Variants in SWAP70 observed in about 807,000 individuals in gnomAD.
The protein encoded by SWAP70 is switching B cell complex subunit SWAP70, also known as switch-associated protein 70.
In SWAP70, 34 loss-of-function variants were observed where a neutral mutation model predicts 80.2. The observed-to-expected ratio is 0.42, with a 90% confidence interval of 0.32 to 0.56. SWAP70 has a LOEUF of 0.56. Among genes scored for constraint, SWAP70 ranks in the 20% least tolerant of loss-of-function variants. The pLI, the probability that SWAP70 is intolerant of heterozygous loss-of-function variation, is 0.09. For missense variants in SWAP70, 578 were observed against 690.7 expected, an observed-to-expected ratio of 0.84 and a Z score of 1.83; for synonymous variants, 239 against 238.5, an observed-to-expected ratio of 1.00 and a Z score of -0.02.
Position 9,664,083 on chromosome 11 carries a change from C to A in SWAP70, c.-97C>A. On this transcript the variant is annotated 5_prime_UTR_variant, in exon 1 of 12. It adds an upstream start codon to the 5' untranslated region. Transcript: ENST00000318950. ...GGGCGGGGCCTGGCGGGTCAGGTGA[C>A]TGCGCGGCGGGCTGTGGCTGCGGAG... The A allele has an allele frequency of 8.2e-7, 1 of 1,217,250 alleles. No individual in the cohort carries two copies. The highest frequency in any genetic ancestry group is 1.1e-6 in the Non-Finnish European group (1 of 909,894). The allele number at this position is 1,217,250 out of a possible 1,614,324, so 75.4% of individuals were successfully genotyped here.
intron 3 of SWAP70, among the ~76,000 whole-genome samples, chr11:9,714,970 C>CTTTTTTTTTTTT (rs34803928): frequency 2.2e-4 from 24 of 110,006 alleles, no homozygotes; most frequent in Admixed American, 5.8e-4. Context: ...CCACACCTGC[C>CTTTTTTTTTTTT]TTTTTTTTTT....
intron 1 of SWAP70, among the ~76,000 whole-genome samples, chr11:9,669,878 A>C (rs1850353613): frequency 6.6e-6 from 1 of 152,172 alleles, no homozygotes; most frequent in Non-Finnish European, 1.5e-5. Flanking sequence ...CTGTAATCCC[A>C]GCACTTTGGG....
chr11:9,671,455 A>AATAT (rs377725154), intron 1 of SWAP70, among the ~76,000 whole-genome samples: 1 of 95,392 alleles, frequency 1.0e-5, no homozygotes, highest in South Asian at 3.7e-4. Flanking sequence ...TATATTTATA[A>AATAT]ATATATATAT....
chr11:9,684,994 G>A (rs1405571202), intron 1 of SWAP70, among the ~76,000 whole-genome samples: 1 of 152,116 alleles, frequency 6.6e-6, no homozygotes, highest in Non-Finnish European at 1.5e-5. Flanking sequence ...GCTTGCTGGA[G>A]TTAAATCTCC....
intron 3 of SWAP70, among the ~76,000 whole-genome samples, chr11:9,714,697 A>C (rs1187261960): frequency 1.3e-5 from 2 of 152,172 alleles, no homozygotes; most frequent in Non-Finnish European, 2.9e-5. Flanking sequence ...GAGTCAGGAA[A>C]GCAAAGGGCA....
At chr11:9,725,786 G>A (rs1488198955) in intron 4 of SWAP70, among the ~76,000 whole-genome samples, 5 of 151,590 alleles carry the variant, frequency 3.3e-5, no homozygotes, top group East Asian at 1.9e-4. Context: ...TGGCCAGGAC[G>A]GTCTCGATCT....
chr11:9,724,824 A>G lies in SWAP70; in HGVS notation c.581A>G (p.Gln194Arg). The change falls in exon 4 of 12, where the codon CAG (glutamine) becomes CGG (arginine). Residue 194 changes from glutamine (Q) to arginine (R), a missense_variant. Gln to Arg is a conservative substitution (Grantham distance 43). Transcript: ENST00000318950. ...CAGTTTAGCAAAGGCATGGACCGGC[A>G]GACTGTGTCTATGGCAATTAATGAA... is the stretch of plus-strand genomic sequence containing the variant. ...NGQFSKGMDRQTVSMAINEVF... is the reference protein window; with the variant it reads ...NGQFSKGMDRRTVSMAINEVF... 6.2e-7 allele frequency: 1 copy of G among 1,614,150 alleles called. No homozygotes were observed. Among genetic ancestry groups the G allele is most frequent in the Non-Finnish European group, 8.5e-7 (1 of 1,179,996 alleles).
At chr11:9,675,354 A>AGG (rs1850479294) in intron 1 of SWAP70, among the ~76,000 whole-genome samples, 2 of 20,044 alleles carry the variant, frequency 1.0e-4, no homozygotes, top group Non-Finnish European at 2.7e-4. Context: ...AGCGAGAGAG[A>AGG]GAGAGAGAGA....
intron 3 of SWAP70, among the ~76,000 whole-genome samples, chr11:9,713,953 C>T: frequency 6.6e-6 from 1 of 152,180 alleles, no homozygotes; most frequent in East Asian, 1.9e-4. Flanking sequence ...TGCATATTGA[C>T]AAAACGTAAC....
intron 3 of SWAP70, among the ~76,000 whole-genome samples, chr11:9,716,527 T>A (rs542217574): frequency 6.6e-6 from 1 of 152,218 alleles, no homozygotes; most frequent in Admixed American, 6.5e-5. Flanking sequence ...TCCCCATCTG[T>A]AAAATGGGGA....
rs149726105 is a variant in SWAP70, at chr11:9,689,208, G to C, written c.100-4938G>C. On this transcript the variant is annotated intron_variant, in intron 1 of 11. Transcript: ENST00000318950. Reference sequence around the variant, plus strand: ...AGAATCTCTACGTCTTTGGAGAAAGGAGGGTGAACACTACTTACTCGTGTT... The same window carrying C: ...AGAATCTCTACGTCTTTGGAGAAAGCAGGGTGAACACTACTTACTCGTGTT... Among the ~76,000 whole-genome samples the C allele has an allele frequency of 7.9e-5, 12 of 152,290 alleles. No individual in the cohort carries two copies. The East Asian group carries it at 2.3e-3, about 29-fold the overall frequency.
chr11:9,744,067 A>G (rs989189544), intron 9 of SWAP70, among the ~76,000 whole-genome samples: 1 of 150,474 alleles, frequency 6.6e-6, no homozygotes, highest in Admixed American at 6.7e-5. Flanking sequence ...GGTTCAAGCC[A>G]TTCTCCTGCC....
intron 2 of SWAP70, among the ~76,000 whole-genome samples, chr11:9,709,076 A>G (rs1303750266): frequency 6.6e-6 from 1 of 151,980 alleles, no homozygotes; most frequent in Non-Finnish European, 1.5e-5. Flanking sequence ...CTACTAATTA[A>G]AAAATGTTTT....
At chr11:9,711,527 T>C (rs1165432566) in intron 2 of SWAP70, among the ~76,000 whole-genome samples, 4 of 152,170 alleles carry the variant, frequency 2.6e-5, no homozygotes, top group Non-Finnish European at 4.4e-5. Context: ...CAGGTACTCA[T>C]TTTTCCCTGT....
intron 1 of SWAP70, among the ~76,000 whole-genome samples, chr11:9,677,564 C>T (rs539772952): frequency 6.6e-6 from 1 of 152,192 alleles, no homozygotes; most frequent in East Asian, 1.9e-4. Context: ...AATTAATACC[C>T]TTATTGTTTA....
chr11:9,732,382 C>T (rs1851309116), intron 6 of SWAP70, 147 bp from the exon 7 acceptor site: 1 of 811,168 alleles, frequency 1.2e-6, no homozygotes, highest in African/African-American at 1.8e-5. Context: ...CTCAGGGTCA[C>T]ACCACTATGG....
In SWAP70 at chr11:9,719,849, C is replaced by T. The variant is rs1851113480; in HGVS notation, c.415-4809C>T. Among the ~76,000 whole-genome samples the T allele has an allele frequency of 1.3e-5, 2 of 152,106 alleles. 1 individual carries two copies. The highest frequency in any genetic ancestry group is 2.9e-5 in the Non-Finnish European group (2 of 68,028). On this transcript the variant is annotated intron_variant, in intron 3 of 11. Coordinates refer to ENST00000318950, the MANE Select transcript of SWAP70 (RefSeq NM_015055.4). Reference sequence around the variant, plus strand: ...GCCTTGATGCAGTTAAAAATTGAACCTGAAATAGTTTTAAGAGACCCTAAA... The same window carrying T: ...GCCTTGATGCAGTTAAAAATTGAACTTGAAATAGTTTTAAGAGACCCTAAA...
At chr11:9,671,453 TAA>T (rs1290342056) in intron 1 of SWAP70, among the ~76,000 whole-genome samples, 1,241 of 83,252 alleles carry the variant, frequency 0.015, 17 homozygotes, top group Non-Finnish European at 0.023. Flanking sequence ...AATATATTTA[TAA>T]ATATATATAT....
chr11:9,676,794 C>T (rs139314517), intron 1 of SWAP70, among the ~76,000 whole-genome samples: 2,878 of 151,870 alleles, frequency 0.019, 94 homozygotes, highest in African/African-American at 0.066. Flanking sequence ...GGATTACAGG[C>T]GCCCGCCACC....
Sources: allele counts gnomAD v4.1 joint callset (sites outside exome capture counted in the v4.1 genomes callset), GRCh38; gene constraint gnomAD v4.1.1; transcripts MANE v1.5; gene names NCBI Gene and HGNC (gene_info 2026-07-23, HGNC 2026-07-21).